Variants in BRWD1 observed in about 807,000 individuals in gnomAD.
The protein encoded by BRWD1 is bromodomain and WD repeat domain containing 1, also known as bromodomain and WD repeat-containing protein 1.
BRWD1 carries 82 observed loss-of-function variants against 251.2 expected under a neutral mutation model. The observed-to-expected ratio is 0.33, with a 90% CI of 0.27 to 0.39. The LOEUF (loss-of-function observed/expected upper bound fraction) is 0.39. BRWD1 is among the 10% of genes least tolerant of loss of function. The pLI is 1.00. For missense variants in BRWD1, 2,233 were observed against 2,711.6 expected (o/e 0.82, Z 3.92); for synonymous variants, 918 against 902.8 (o/e 1.02, Z -0.30).
intron 25 of BRWD1, among the ~76,000 whole-genome samples, chr21:39,229,981 C>G (rs2033546184): frequency 6.6e-6 from 1 of 152,194 alleles, no homozygotes; most frequent in East Asian, 1.9e-4. Flanking sequence ...TCAAGTGATG[C>G]TCCCACAACA....
chr21:39,274,164 T>C (rs7275773), intron 13 of BRWD1, among the ~76,000 whole-genome samples: 140,683 of 152,282 alleles, frequency 0.92, 65,317 homozygotes, highest in African/African-American at 0.96. Context: ...TTCTTTGCTA[T>C]ACAACGTAAG....
chr21:39,221,692 T>C (rs1006040761), intron 29 of BRWD1, among the ~76,000 whole-genome samples: 5 of 152,148 alleles, frequency 3.3e-5, no homozygotes, highest in Non-Finnish European at 4.4e-5. Context: ...TCCCACCACT[T>C]TGGGAGGCCA....
intron 15 of BRWD1, among the ~76,000 whole-genome samples, chr21:39,265,853 T>C (rs1046649361): frequency 3.9e-5 from 6 of 152,258 alleles, no homozygotes; most frequent in African/African-American, 1.4e-4. Context: ...ACAACTACCC[T>C]AACAGAGATT....
intron 17 of BRWD1, among the ~76,000 whole-genome samples, chr21:39,260,273 C>A (rs1347778701): frequency 2.0e-5 from 3 of 151,294 alleles, no homozygotes; most frequent in Non-Finnish European, 4.5e-5. Context: ...CGGCATAAGC[C>A]AAAATAACCT....
chr21:39,313,723 G>A (rs983285525), upstream of BRWD1: 13 of 389,298 alleles, frequency 3.3e-5, no homozygotes, highest in African/African-American at 2.4e-4. Context: ...CGCCAAGAGA[G>A]GACCGGAGCT....
At chr21:39,298,358 C>T (rs1212691433) in intron 5 of BRWD1, 74 bp downstream of exon 5, 2 of 1,426,634 alleles carry the variant, frequency 1.4e-6, no homozygotes, top group Non-Finnish European at 9.2e-7. Flanking sequence ...TTCCACAATG[C>T]TTACATTACT....
At chr21:39,203,580 G>T (rs2146474018) in intron 37 of BRWD1, among the ~76,000 whole-genome samples, 1 of 148,862 alleles carries the variant, frequency 6.7e-6, no homozygotes, top group Non-Finnish European at 1.5e-5. Context: ...CTAATTTTTT[G>T]TAATTTTTAG....
chr21:39,271,078 A>T (rs1192876757), intron 13 of BRWD1, among the ~76,000 whole-genome samples: 1 of 151,908 alleles, frequency 6.6e-6, no homozygotes, highest in East Asian at 1.9e-4. Flanking sequence ...GCAGATCACG[A>T]GGTCAGCGGT....
chr21:39,195,291 CA>C lies in BRWD1; in HGVS notation c.*967del, dbSNP rs1191512972. On this transcript the variant is annotated 3_prime_UTR_variant, in exon 41 of 41. Transcript: ENST00000342449. The stretch of plus-strand genomic sequence containing the variant: ...GTACTCTTAACAAAACTCACCTCTA[CA>C]ATTGGAATACAGATGGGGGAAACCT... 2.0e-6 allele frequency: 2 copies of C among 1,005,394 alleles called. No individual in the cohort carries two copies. Among genetic ancestry groups the C allele is most frequent in the African/African-American group, 3.5e-5 (2 of 57,300 alleles). The allele number at this position is 1,005,394 out of a possible 1,614,324, so 62.3% of individuals were successfully genotyped here.
At chr21:39,300,084 A>T (rs962922038) in intron 4 of BRWD1, among the ~76,000 whole-genome samples, 3 of 152,156 alleles carry the variant, frequency 2.0e-5, no homozygotes, top group Admixed American at 1.3e-4. Flanking sequence ...AAAACCACTC[A>T]AACCTCTAAC....
chr21:39,304,175 A>G (rs191204368), intron 4 of BRWD1, among the ~76,000 whole-genome samples: 29 of 151,230 alleles, frequency 1.9e-4, no homozygotes, highest in Admixed American at 1.8e-3. Flanking sequence ...GAAATACAGA[A>G]TAAGTAGAAT....
At chr21:39,211,916 C>A in intron 34 of BRWD1, among the ~76,000 whole-genome samples, 1 of 151,960 alleles carries the variant, frequency 6.6e-6, no homozygotes, top group East Asian at 1.9e-4. Context: ...ATATTAATAA[C>A]CTTTAATTTT....
chr21:39,264,337 A>G (rs746845737), intron 17 of BRWD1, 123 bp downstream of exon 17: 90 of 667,630 alleles, frequency 1.3e-4, no homozygotes, highest in Non-Finnish European at 1.9e-4. Context: ...GAAAAAAAAT[A>G]ATAAAACAAA....
At chr21:39,236,559 T>C (rs2033817806) in intron 23 of BRWD1, 36 bp downstream of exon 23, 3 of 1,480,486 alleles carry the variant, frequency 2.0e-6, no homozygotes, top group East Asian at 2.3e-5. Flanking sequence ...TGGGGTATCA[T>C]GATACATGCT....
intron 13 of BRWD1, among the ~76,000 whole-genome samples, chr21:39,271,627 G>A (rs1201610934): frequency 1.4e-5 from 2 of 144,104 alleles, no homozygotes; most frequent in African/African-American, 5.2e-5. Flanking sequence ...AACCCAGGAG[G>A]CGGAACTTAC....
chr21:39,312,055 T>C (rs1486153410), intron 4 of BRWD1, among the ~76,000 whole-genome samples: 2 of 152,178 alleles, frequency 1.3e-5, no homozygotes, highest in African/African-American at 2.4e-5. Flanking sequence ...CAAAAATATA[T>C]TCCTGAAAAA....
intron 7 of BRWD1, among the ~76,000 whole-genome samples, chr21:39,295,518 T>C (rs575784739): frequency 6.6e-6 from 1 of 150,864 alleles, no homozygotes; most frequent in Non-Finnish European, 1.5e-5. Flanking sequence ...TCCTTAAATA[T>C]CACATTTAAG....
intron 36 of BRWD1, among the ~76,000 whole-genome samples, chr21:39,209,161 C>T (rs1383730591): frequency 6.6e-6 from 1 of 152,058 alleles, no homozygotes; most frequent in Non-Finnish European, 1.5e-5. Context: ...TAACTTCCCC[C>T]AAATTTGCAC....
intron 27 of BRWD1, 118 bp from the exon 28 acceptor site, chr21:39,225,315 G>A (rs2033337791): frequency 8.8e-6 from 6 of 682,824 alleles, no homozygotes; most frequent in African/African-American, 1.8e-5. Flanking sequence ...TACAAAAACA[G>A]GCAAGCAGCG....
Sources: gnomAD v4.1 joint callset for allele counts (sites outside exome capture counted in the v4.1 genomes callset) on GRCh38, gnomAD v4.1.1 for gene constraint, MANE v1.5 for transcripts, NCBI Gene and HGNC (gene_info 2026-07-23, HGNC 2026-07-21) for gene names.